GMPS: variants seen among roughly 807,000 people sequenced by gnomAD.
GMPS encodes GMP synthase [glutamine-hydrolyzing].
Under a neutral mutation model 77.9 loss-of-function variants are expected in GMPS, and 15 were observed. The observed-to-expected ratio is 0.19, with a 90% CI of 0.13 to 0.30. GMPS has a LOEUF of 0.30. GMPS is among the 10% of genes least tolerant of loss of function. GMPS has a pLI of 1.00. For missense variants in GMPS, 590 were observed against 838.8 expected, an observed-to-expected ratio of 0.70 and a Z score of 3.66; for synonymous variants, 224 against 275.9, an observed-to-expected ratio of 0.81 and a Z score of 1.86.
rs146753627 is a variant in GMPS, at chr3:155,887,553, G to A, written c.28-5965G>A. Among the ~76,000 whole-genome samples, 719 of 152,302 alleles carry A rather than the reference G, an allele frequency of 4.7e-3. 6 individuals carry two copies. Among genetic ancestry groups the A allele is most frequent in the African/African-American group, 0.017 (696 of 41,570 alleles). ...AAAGGTGAGGAGGTGAATAGTTGAA[G>A]GAGACAATGTATGACAATGTGTGTA... is the stretch of plus-strand genomic sequence containing the variant. On this transcript the variant is annotated intron_variant, in intron 1 of 15. Coordinates refer to ENST00000496455, the MANE Select transcript of GMPS (RefSeq NM_003875.3).
At chr3:155,921,005 G>A (rs1755305839) in intron 10 of GMPS, among the ~76,000 whole-genome samples, 1 of 152,144 alleles carries the variant, frequency 6.6e-6, no homozygotes, top group Non-Finnish European at 1.5e-5. Flanking sequence ...ACTTTGGGAG[G>A]CCTAGGCAGG....
chr3:155,896,052 C>T (rs1019001320), intron 2 of GMPS, among the ~76,000 whole-genome samples: 45 of 151,834 alleles, frequency 3.0e-4, no homozygotes, highest in South Asian at 1.0e-3. Flanking sequence ...CTCTGTCACC[C>T]AGGCTGGAGT....
At chr3:155,891,604 CTTTTTT>C (rs35759331) in intron 1 of GMPS, among the ~76,000 whole-genome samples, 3 of 127,872 alleles carry the variant, frequency 2.3e-5, no homozygotes, top group Non-Finnish European at 4.9e-5. Flanking sequence ...TTGTTTGTTA[CTTTTTT>C]TTTTTTTTTT....
intron 7 of GMPS, among the ~76,000 whole-genome samples, chr3:155,913,071 G>C (rs1043242620): frequency 2.6e-5 from 4 of 152,180 alleles, no homozygotes. Context: ...TCTACATTAA[G>C]AACAGGATTA....
intron 12 of GMPS, among the ~76,000 whole-genome samples, chr3:155,925,917 C>T (rs573295038): frequency 1.3e-5 from 2 of 152,228 alleles, no homozygotes; most frequent in African/African-American, 4.8e-5. Flanking sequence ...GTTTATTCTG[C>T]CTTTCTAGTT....
intron 9 of GMPS, 41 bp from the exon 10 acceptor site, chr3:155,919,192 G>C: frequency 3.7e-6 from 3 of 816,896 alleles, no homozygotes; most frequent in Non-Finnish European, 6.1e-6. Context: ...ATGTCATCTT[G>C]GTTACTAGTT....
At chr3:155,931,963 A>C in intron 13 of GMPS, 83 bp downstream of exon 13, 1 of 687,736 alleles carries the variant, frequency 1.5e-6, no homozygotes, top group Non-Finnish European at 2.6e-6. Flanking sequence ...GGAAGACCAA[A>C]AGGCTCAAAT....
intron 1 of GMPS, among the ~76,000 whole-genome samples, chr3:155,886,819 G>T (rs1303934842): frequency 1.3e-5 from 2 of 151,858 alleles, no homozygotes. Context: ...TGATGACTTA[G>T]CTGGGCTCAC....
chr3:155,932,312 A>C (rs966122679), intron 13 of GMPS, among the ~76,000 whole-genome samples: 37 of 150,396 alleles, frequency 2.5e-4, no homozygotes, highest in African/African-American at 8.7e-4. Flanking sequence ...ACACACACAC[A>C]CACCCCTACA....
intron 1 of GMPS, among the ~76,000 whole-genome samples, chr3:155,872,081 G>C (rs1288024612): frequency 2.0e-5 from 3 of 152,156 alleles, no homozygotes; most frequent in African/African-American, 7.2e-5. Context: ...CGGGGGGTGG[G>C]ATTGTATACT....
intron 9 of GMPS, among the ~76,000 whole-genome samples, chr3:155,918,008 T>C (rs1755229403): frequency 6.6e-6 from 1 of 152,378 alleles, no homozygotes; most frequent in African/African-American, 2.4e-5. Context: ...GGTAGTTCTC[T>C]TTTTAATTTT....
chr3:155,906,042 CT>C lies in GMPS; in HGVS notation c.423-107del, dbSNP rs67122310. On this transcript the variant is annotated intron_variant, in intron 4 of 15. Coordinates refer to ENST00000496455, the MANE Select transcript of GMPS (RefSeq NM_003875.3). ...GAATTCTAGCAGTATTCCATTGTCA[CT>C]TTTTTTTTTTCTGTTTTTCTAATCA... is the stretch of plus-strand genomic sequence containing the variant. 3,584 of 435,056 alleles carry C rather than the reference CT, an allele frequency of 8.2e-3. 4 individuals carry two copies. The highest frequency in any genetic ancestry group is 0.014 in the South Asian group (270 of 19,992). 26.9% of individuals were successfully genotyped at this position (435,056 alleles called of 1,614,324 possible).
chr3:155,895,161 A>T (rs1754570464), intron 2 of GMPS, among the ~76,000 whole-genome samples: 1 of 152,194 alleles, frequency 6.6e-6, no homozygotes, highest in Admixed American at 6.5e-5. Context: ...TGTACCTAGA[A>T]TTTCCCTTAT....
chr3:155,892,240 T>G (rs1754489082), intron 1 of GMPS, among the ~76,000 whole-genome samples: 1 of 152,198 alleles, frequency 6.6e-6, no homozygotes, highest in South Asian at 2.1e-4. Flanking sequence ...GCATACAGAC[T>G]TTTGCACTTT....
intron 4 of GMPS, among the ~76,000 whole-genome samples, chr3:155,904,324 C>T (rs1182097939): frequency 1.3e-5 from 2 of 151,064 alleles, no homozygotes; most frequent in African/African-American, 4.9e-5. Flanking sequence ...GAGTCTCCCT[C>T]TGCCACCTGG....
intron 1 of GMPS, among the ~76,000 whole-genome samples, chr3:155,874,939 G>C (rs1754007632): frequency 7.4e-6 from 1 of 135,996 alleles, no homozygotes; most frequent in South Asian, 2.3e-4. Flanking sequence ...ACAGAGTCTG[G>C]CTCTGTTGCC....
intron 3 of GMPS, among the ~76,000 whole-genome samples, chr3:155,900,838 A>G (rs1316143488): frequency 1.3e-5 from 2 of 152,152 alleles, no homozygotes; most frequent in Non-Finnish European, 2.9e-5. Flanking sequence ...CCGTCTAGCT[A>G]ACGTGTGTTT....
intron 8 of GMPS, among the ~76,000 whole-genome samples, chr3:155,914,791 G>A (rs925131414): frequency 4.6e-5 from 7 of 151,518 alleles, no homozygotes; most frequent in African/African-American, 1.7e-4. Context: ...TTGAGACAGA[G>A]TCTTGCTGTG....
intron 5 of GMPS, among the ~76,000 whole-genome samples, chr3:155,908,842 A>T (rs1754960989): frequency 6.6e-6 from 1 of 152,162 alleles, no homozygotes; most frequent in Non-Finnish European, 1.5e-5. Context: ...ACTTTAGAGG[A>T]GAAAACTGGG....
Sources: allele counts gnomAD v4.1 joint callset (sites outside exome capture counted in the v4.1 genomes callset), GRCh38; gene constraint gnomAD v4.1.1; transcripts MANE v1.5; gene names NCBI Gene and HGNC (gene_info 2026-07-23, HGNC 2026-07-21).